The following MYT1 variants were observed in gnomAD, a reference collection of about 807,000 sequenced individuals.
The protein encoded by MYT1 is myelin transcription factor I.
A neutral mutation model predicts 123.0 loss-of-function variants in MYT1; 23 were observed. The observed-to-expected ratio is 0.19, with a 90% confidence interval of 0.13 to 0.26. MYT1 has a LOEUF of 0.26. MYT1 is among the 10% of genes least tolerant of loss of function. The pLI, the probability that MYT1 is intolerant of heterozygous loss-of-function variation, is 1.00. For missense variants in MYT1, 1,125 were observed against 1,472.5 expected, an observed-to-expected ratio of 0.76 and a Z score of 3.86; for synonymous variants, 518 against 575.3, an observed-to-expected ratio of 0.90 and a Z score of 1.43.
intron 11 of MYT1, 130 bp downstream of exon 11, chr20:64,217,411 C>A: frequency 1.0e-6 from 1 of 996,044 alleles, no homozygotes; most frequent in Non-Finnish European, 1.5e-6. Flanking sequence ...CATGGGAGGA[C>A]CACGATGCAG....
Position 64,218,777 on chromosome 20 carries a change from T to C in MYT1, c.1847-134T>C. ...CCCCCTCCCCACTGACTTGTCTGCATTGCTGCCTCTTTTCAAGTTGTATAT... is the reference window on the plus strand; with the variant it reads ...CCCCCTCCCCACTGACTTGTCTGCACTGCTGCCTCTTTTCAAGTTGTATAT... On this transcript the variant is annotated intron_variant, in intron 11 of 22. Coordinates refer to ENST00000328439, the MANE Select transcript of MYT1 (RefSeq NM_004535.3). This position sits in a 1 kb window ranked among gnomAD's most constrained non-coding sequence, Gnocchi z 4.0. 4 of 1,089,294 alleles carry C rather than the reference T, an allele frequency of 3.7e-6. No individual in the cohort carries two copies. The highest frequency in any genetic ancestry group is 5.4e-6 in the Non-Finnish European group (4 of 741,832). 67.5% of individuals were successfully genotyped at this position (1,089,294 alleles called of 1,614,324 possible).
chr20:64,190,503 G>A lies in MYT1; in HGVS notation c.-1+343G>A, dbSNP rs551882806. Among the ~76,000 whole-genome samples the A allele has an allele frequency of 2.6e-5, 4 of 151,494 alleles. No homozygotes were observed. Among genetic ancestry groups the A allele is most frequent in the East Asian group, 1.9e-4 (1 of 5,144 alleles). On this transcript the variant is annotated intron_variant, in intron 2 of 22. Transcript: ENST00000328439. This position sits in a 1 kb window ranked among gnomAD's most constrained non-coding sequence, Gnocchi z 4.1. ...AGCCTGGCCAACATGGTGAAACCCC[G>A]TCTTTACTAAAAACACAAAAATTAG... is the stretch of plus-strand genomic sequence containing the variant.
At chr20:64,187,805 C>T (rs1982857125) in intron 1 of MYT1, among the ~76,000 whole-genome samples, 1 of 152,244 alleles carries the variant, frequency 6.6e-6, no homozygotes, top group African/African-American at 2.4e-5. Flanking sequence ...GCCGGGTCCT[C>T]AGGCCCTTGT....
intron 2 of MYT1, among the ~76,000 whole-genome samples, chr20:64,198,102 G>A (rs111535339): frequency 0.033 from 5,039 of 151,746 alleles, 288 homozygotes; most frequent in African/African-American, 0.12. Context: ...TGGCTAACAC[G>A]GTGAAACCCC....
At chr20:64,240,033 A>G (rs993630369) in intron 22 of MYT1, 130 bp downstream of exon 22, 1 of 1,385,152 alleles carries the variant, frequency 7.2e-7, no homozygotes, top group Admixed American at 2.1e-5. Flanking sequence ...CCTTGTGGAG[A>G]TTCTCTCCAC....
In MYT1 at chr20:64,185,936, G is replaced by A. The variant is rs1982786712; in HGVS notation, c.-98-4127G>A. Among the ~76,000 whole-genome samples, 1 of 152,212 alleles carries A rather than the reference G, an allele frequency of 6.6e-6. No individual in the cohort carries two copies. The highest frequency in any genetic ancestry group is 1.5e-5 in the Non-Finnish European group (1 of 68,034). On this transcript the variant is annotated intron_variant, in intron 1 of 22. Transcript: ENST00000328439. This position sits in a 1 kb window ranked among gnomAD's most constrained non-coding sequence, Gnocchi z 4.5. ...GCTCTCAGTGGAAGCGTCCTGTCTGGGGCCTGGGTCAGGCTGGTCTCCAGT... is the reference window on the plus strand; with the variant it reads ...GCTCTCAGTGGAAGCGTCCTGTCTGAGGCCTGGGTCAGGCTGGTCTCCAGT...
intron 19 of MYT1, among the ~76,000 whole-genome samples, chr20:64,235,303 A>G (rs1458290300): frequency 2.2e-3 from 43 of 19,758 alleles, no homozygotes; most frequent in South Asian, 2.7e-3. Flanking sequence ...GGTGACCCCG[A>G]GCTGGCTGTG....
chr20:64,236,999 T>G (rs887036439), intron 20 of MYT1, among the ~76,000 whole-genome samples: 6 of 152,142 alleles, frequency 3.9e-5, no homozygotes, highest in African/African-American at 1.4e-4. Flanking sequence ...TGAACAAACT[T>G]CCATCTTTAA....
rs368819162 is a variant in MYT1, at chr20:64,196,083, A to G, written c.1-2779A>G. Among the ~76,000 whole-genome samples, 30 of 152,222 alleles carry G rather than the reference A, an allele frequency of 2.0e-4. No homozygotes were observed. In the South Asian group the frequency reaches 6.2e-3, roughly 32 times the overall value. ...GGTGATGGGGTCGTTCTGCCTTTTC[A>G]CTCTCAAGGGGAGAGGTCACCGGGC... On this transcript the variant is annotated intron_variant, in intron 2 of 22. Transcript: ENST00000328439. This position sits in a 1 kb window ranked among gnomAD's most constrained non-coding sequence, Gnocchi z 4.3.
chr20:64,238,763 A>G (rs1012225349), intron 21 of MYT1, among the ~76,000 whole-genome samples: 2 of 151,862 alleles, frequency 1.3e-5, no homozygotes, highest in East Asian at 3.9e-4. Context: ...TCGTTGGGGT[A>G]GCACCTCTGA....
intron 22 of MYT1, among the ~76,000 whole-genome samples, 173 bp from the exon 23 acceptor site, chr20:64,240,147 G>A (rs1487058662): frequency 3.3e-5 from 5 of 152,212 alleles, no homozygotes; most frequent in African/African-American, 1.2e-4. Flanking sequence ...GATTCCATGA[G>A]CAGAGAGGCT....
chr20:64,192,166 C>T lies in MYT1; in HGVS notation c.-1+2006C>T, dbSNP rs564013286. Among the ~76,000 whole-genome samples, 3 of 152,226 alleles carry T rather than the reference C, an allele frequency of 2.0e-5. No homozygotes were observed. The highest frequency in any genetic ancestry group is 4.8e-5 in the African/African-American group (2 of 41,434). On this transcript the variant is annotated intron_variant, in intron 2 of 22. Transcript: ENST00000328439. The surrounding 1 kb of genome is among the most constrained non-coding windows in gnomAD (Gnocchi z 5.3). ...GCTTCTGTGAACAAAGCCAGGGACC[C>T]GTGCCCAGGTTCTCGTGGCATCACC...
In MYT1 at chr20:64,241,605, G is replaced by A. The variant is rs1038661321; in HGVS notation, c.*1157G>A. 2.0e-5 allele frequency: 3 copies of A among 152,448 alleles called. No homozygotes were observed. The highest frequency in any genetic ancestry group is 1.9e-4 in the East Asian group (1 of 5,202). 9.4% of individuals were successfully genotyped at this position (152,448 alleles called of 1,614,324 possible). ...TATATTCACAGCCTCTTATGTTAAC[G>A]TTTGCTATTTATTTAACATTTTTAT... On this transcript the variant is annotated 3_prime_UTR_variant, in exon 23 of 23. Coordinates refer to ENST00000328439, the MANE Select transcript of MYT1 (RefSeq NM_004535.3). The surrounding 1 kb of genome is among the most constrained non-coding windows in gnomAD (Gnocchi z 4.2).
At chr20:64,211,963 C>A (rs1043374259) in intron 8 of MYT1, 85 bp from the exon 9 acceptor site, 1 of 1,153,580 alleles carries the variant, frequency 8.7e-7, no homozygotes, top group Non-Finnish European at 1.3e-6. Flanking sequence ...CTCCTGCACC[C>A]TCCTCAGCCT....
At chr20:64,209,747 T>A (rs1983610031) in intron 7 of MYT1, among the ~76,000 whole-genome samples, 1 of 151,996 alleles carries the variant, frequency 6.6e-6, no homozygotes, top group Non-Finnish European at 1.5e-5. Context: ...GATAGGCAGG[T>A]CAGTGGAGAC....
chr20:64,205,465 G>A, intron 5 of MYT1, 88 bp from the exon 6 acceptor site: 1 of 1,545,514 alleles, frequency 6.5e-7, no homozygotes. Context: ...AGGGAGGGAG[G>A]GAGGACCCTC....
At chr20:64,199,751 A>G in intron 3 of MYT1, 141 bp from the exon 4 acceptor site, 1 of 943,050 alleles carries the variant, frequency 1.1e-6, no homozygotes. Flanking sequence ...CCCTGGGGAA[A>G]CGGCTCAGGT....
intron 7 of MYT1, among the ~76,000 whole-genome samples, chr20:64,210,325 TC>T (rs1983628297): frequency 1.3e-5 from 2 of 152,202 alleles, no homozygotes; most frequent in South Asian, 4.1e-4. Context: ...AACGTGCGGT[TC>T]TGGTTCTGAG....
Position 64,202,751 on chromosome 20 carries a change from G to T in MYT1, c.87-2284G>T, listed in dbSNP as rs1362629433. ...GCTGTCATGCAGGATGCCAGCTGAGGGGTGACTGTGGGCCACACCCTCTTC... is the reference window on the plus strand; with the variant it reads ...GCTGTCATGCAGGATGCCAGCTGAGTGGTGACTGTGGGCCACACCCTCTTC... On this transcript the variant is annotated intron_variant, in intron 4 of 22. Transcript: ENST00000328439. This position sits in a 1 kb window ranked among gnomAD's most constrained non-coding sequence, Gnocchi z 5.0. Among the ~76,000 whole-genome samples the T allele has an allele frequency of 6.6e-6, 1 of 152,182 alleles. No individual in the cohort carries two copies. The highest frequency in any genetic ancestry group is 2.4e-5 in the African/African-American group (1 of 41,444).
Sources: allele counts gnomAD v4.1 joint callset (sites outside exome capture counted in the v4.1 genomes callset), GRCh38; gene constraint gnomAD v4.1.1; non-coding constraint Gnocchi (gnomAD v3.1); transcripts MANE v1.5; gene names NCBI Gene and HGNC (gene_info 2026-07-23, HGNC 2026-07-21).